Variants in ITPR2 observed in about 807,000 individuals in gnomAD.
ITPR2 encodes inositol 1,4,5-trisphosphate receptor type 2.
A neutral mutation model predicts 317.1 loss-of-function variants in ITPR2; 207 were observed. That is an observed-to-expected ratio of 0.65 (90% CI 0.58 to 0.73). The LOEUF is 0.73. ITPR2 is among the 30% of genes least tolerant of loss of function. The probability of loss-of-function intolerance (pLI) is 0.00; values close to 1 mark genes in which losing one functional copy is unlikely to be tolerated. For missense variants in ITPR2, 2,613 were observed against 3,284.0 expected, an observed-to-expected ratio of 0.80 and a Z score of 4.99; for synonymous variants, 1,156 against 1,149.1, an observed-to-expected ratio of 1.01 and a Z score of -0.12.
chr12:26,353,274 A>T (rs1048337407), intron 55 of ITPR2, among the ~76,000 whole-genome samples: 1 of 152,228 alleles, frequency 6.6e-6, no homozygotes, highest in African/African-American at 2.4e-5. Flanking sequence ...TTTGGTGATC[A>T]AAGTCCTCGA....
chr12:26,813,760 C>T (rs1458682467), intron 1 of ITPR2, among the ~76,000 whole-genome samples: 1 of 152,042 alleles, frequency 6.6e-6, no homozygotes, highest in African/African-American at 2.4e-5. Flanking sequence ...GTGTACGCCA[C>T]CTGAAAGAGT....
chr12:26,490,637 C>A (rs1022547048), intron 39 of ITPR2, among the ~76,000 whole-genome samples: 1 of 152,128 alleles, frequency 6.6e-6, no homozygotes, highest in Non-Finnish European at 1.5e-5. Flanking sequence ...CAGGATGAAA[C>A]CCTGTCTCTA....
chr12:26,656,392 G>T lies in ITPR2; in HGVS notation c.2349C>A (p.Leu783=). Residue 783 remains leucine (L), a synonymous_variant, in exon 19 of 57, where the codon CTC becomes CTA. Transcript: ENST00000381340. ...DLRASFCRLM[L]HMHVDRDPQE... ...GGGGATCCCGGTCAACGTGCATGTG[G>T]AGCATGAGGCGACAGAAGGACGCTC... The T allele has an allele frequency of 6.2e-7, 1 of 1,614,182 alleles. No individual in the cohort carries two copies. The highest frequency in any genetic ancestry group is 8.5e-7 in the Non-Finnish European group (1 of 1,180,038).
At chr12:26,779,427 C>T (rs918412243) in intron 2 of ITPR2, among the ~76,000 whole-genome samples, 4 of 152,176 alleles carry the variant, frequency 2.6e-5, no homozygotes, top group African/African-American at 7.2e-5. Context: ...ATTCTATCAT[C>T]GAATGGAAGT....
chr12:26,832,012 A>C (rs1951118785), intron 1 of ITPR2, among the ~76,000 whole-genome samples: 1 of 151,926 alleles, frequency 6.6e-6, no homozygotes, highest in Admixed American at 6.6e-5. Flanking sequence ...TCAGTGGGCC[A>C]AGGCCTGGGA....
At position 26,657,789 on chromosome 12, in the gene ITPR2, G is replaced by T. The variant is rs185574225; in HGVS notation, c.2110C>A (p.Pro704Thr). The T allele has an allele frequency of 1.2e-4, 195 of 1,613,996 alleles. No individual in the cohort carries two copies. Among genetic ancestry groups the T allele is most frequent in the Non-Finnish European group, 1.6e-4 (191 of 1,180,018 alleles). Residue 704 changes from proline (P) to threonine (T), a missense_variant, in exon 18 of 57, where the codon CCT becomes ACT. Physicochemically the swap from Pro to Thr is conservative, Grantham distance 38 (BLOSUM62 -1). Transcript: ENST00000381340. ...AGGTGCCTGATAGCTTTGCCATGAGGTTCCTTGTTGCTGTCAATCCAATAG... is the reference window on the plus strand; with the variant it reads ...AGGTGCCTGATAGCTTTGCCATGAGTTTCCTTGTTGCTGTCAATCCAATAG... ...WLYWIDSNKE[P>T]HGKAIRHLAQ...
At chr12:26,548,756 A>T (rs537131336) in intron 37 of ITPR2, among the ~76,000 whole-genome samples, 13 of 152,176 alleles carry the variant, frequency 8.5e-5, no homozygotes, top group Non-Finnish European at 1.6e-4. Context: ...CTGTCTCAGG[A>T]AACTGCACTC....
intron 1 of ITPR2, among the ~76,000 whole-genome samples, chr12:26,817,625 C>A (rs1249510968): frequency 2.0e-5 from 3 of 152,172 alleles, no homozygotes; most frequent in Non-Finnish European, 4.4e-5. Flanking sequence ...CATTCTCCTG[C>A]TTCAAAATCC....
chr12:26,655,228 T>G (rs1021557771), intron 20 of ITPR2, among the ~76,000 whole-genome samples: 4 of 152,104 alleles, frequency 2.6e-5, no homozygotes, highest in Admixed American at 2.6e-4. Flanking sequence ...CTTACACAAA[T>G]GAAACAAAAA....
chr12:26,357,050 T>G (rs1194900588), intron 55 of ITPR2, among the ~76,000 whole-genome samples: 1 of 152,140 alleles, frequency 6.6e-6, no homozygotes, highest in East Asian at 1.9e-4. Flanking sequence ...TCACTTGGTA[T>G]TTCCCGAGTG....
At chr12:26,356,544 G>C (rs2136568584) in intron 55 of ITPR2, among the ~76,000 whole-genome samples, 1 of 152,322 alleles carries the variant, frequency 6.6e-6, no homozygotes, top group Non-Finnish European at 1.5e-5. Flanking sequence ...TTGGTGAACA[G>C]GAATTACAGC....
intron 55 of ITPR2, among the ~76,000 whole-genome samples, chr12:26,382,450 A>G (rs1939536263): frequency 6.6e-6 from 1 of 152,190 alleles, no homozygotes; most frequent in Non-Finnish European, 1.5e-5. Flanking sequence ...GGATCACTTG[A>G]GGTCAGGAGT....
intron 55 of ITPR2, among the ~76,000 whole-genome samples, chr12:26,365,046 C>T (rs901835): frequency 0.79 from 120,932 of 152,180 alleles, 48,021 homozygotes; most frequent in Admixed American, 0.83. Context: ...CAGGGAATAA[C>T]GATAATGAAC....
At chr12:26,590,282 G>A (rs1382692544) in intron 32 of ITPR2, among the ~76,000 whole-genome samples, 1 of 152,072 alleles carries the variant, frequency 6.6e-6, no homozygotes, top group African/African-American at 2.4e-5. Context: ...TTTCAAAATA[G>A]GTCACTAGCA....
At chr12:26,467,929 T>C (rs1411089172) in intron 45 of ITPR2, among the ~76,000 whole-genome samples, 1 of 152,172 alleles carries the variant, frequency 6.6e-6, no homozygotes, top group African/African-American at 2.4e-5. Context: ...CATTATACTT[T>C]TTCTTTGTGG....
intron 9 of ITPR2, among the ~76,000 whole-genome samples, chr12:26,702,171 G>C (rs1480718188): frequency 6.6e-6 from 1 of 152,056 alleles, no homozygotes; most frequent in Non-Finnish European, 1.5e-5. Context: ...GTGTCGATGA[G>C]TGTGTGGACA....
At position 26,492,775 on chromosome 12, in the gene ITPR2, CAAT is replaced by C. The variant is rs555060890; in HGVS notation, c.5370+1375_5370+1377del. 1.1e-3 allele frequency among the ~76,000 whole-genome samples: 166 copies of C among 152,128 alleles called. 1 individual carries two copies. The highest frequency in any genetic ancestry group is 3.5e-3 in the African/African-American group (147 of 41,482). On this transcript the variant is annotated intron_variant, in intron 39 of 56. Transcript: ENST00000381340. ...AAAGCAAGGCAATGATACTTAATAA[CAAT>C]AATATGCTATATATTTCCAAATAGC...
chr12:26,716,344 C>T (rs1404082126), intron 5 of ITPR2, 102 bp from the exon 6 acceptor site: 1 of 673,170 alleles, frequency 1.5e-6, no homozygotes, highest in South Asian at 1.8e-5. Context: ...ATTGATCTGA[C>T]ATCTGGTCCT....
chr12:26,630,399 G>C (rs1946720784), intron 22 of ITPR2, among the ~76,000 whole-genome samples: 1 of 147,288 alleles, frequency 6.8e-6, no homozygotes. Flanking sequence ...GAATGAGAGA[G>C]AAATGAAAAG....
Sources: allele counts gnomAD v4.1 joint callset (sites outside exome capture counted in the v4.1 genomes callset), GRCh38; gene constraint gnomAD v4.1.1; transcripts MANE v1.5; gene names NCBI Gene and HGNC (gene_info 2026-07-23, HGNC 2026-07-21).